The following TJP3 variants were observed in gnomAD, a reference collection of about 807,000 sequenced individuals.
TJP3 encodes tight junction protein ZO-3.
Under a neutral mutation model 104.2 loss-of-function variants are expected in TJP3, and 85 were observed. That is an observed-to-expected ratio of 0.82 (90% CI 0.68 to 0.98). The LOEUF (loss-of-function observed/expected upper bound fraction) is 0.98, where lower values mean the gene tolerates loss of function less well. Ranked by LOEUF, TJP3 falls within the 50% of genes least tolerant of loss-of-function variation. The probability of loss-of-function intolerance (pLI) is 0.00; values close to 1 mark genes in which losing one functional copy is unlikely to be tolerated. For synonymous variants in TJP3, 550 were observed against 550.6 expected (o/e 1.00, Z 0.02); for missense variants, 1,367 against 1,322.8 (o/e 1.03, Z -0.52).
chr19:3,712,863 C>T lies in TJP3; in HGVS notation c.-10+4302C>T, dbSNP rs116748837. Among the ~76,000 whole-genome samples, 986 of 151,596 alleles carry T rather than the reference C, an allele frequency of 6.5e-3. 10 individuals carry two copies. Among genetic ancestry groups the T allele is most frequent in the African/African-American group, 0.023 (952 of 41,284 alleles). On this transcript the variant is annotated intron_variant, in intron 1 of 20. Coordinates refer to ENST00000541714, the MANE Select transcript of TJP3 (RefSeq NM_001267560.2). ...ACACAGGAGGCTGGGGTGGGAGGAT[C>T]GCTTGAGCCCAGGAAAGTGGAGGCT...
chr19:3,738,644 G>A lies in TJP3; in HGVS notation c.1374G>A (p.Val458=), dbSNP rs1422018854. ...GLPPGEEMEL[V]TQRKQDIFWK... is the part of the protein sequence containing the mutation. ...CACCAGGCGAGGAGATGGAGCTGGTGACGCAGAGGAAGCAGGACAGTGAGT... is the reference window on the plus strand; with the variant it reads ...CACCAGGCGAGGAGATGGAGCTGGTAACGCAGAGGAAGCAGGACAGTGAGT... Residue 458 remains valine (V), a synonymous_variant, in exon 12 of 21, where the codon GTG becomes GTA. Transcript: ENST00000541714. 6.2e-7 allele frequency: 1 copy of A among 1,613,712 alleles called. No homozygotes were observed. Among genetic ancestry groups the A allele is most frequent in the Non-Finnish European group, 8.5e-7 (1 of 1,179,944 alleles).
chr19:3,730,276 C>A lies in TJP3; in HGVS notation c.262-79C>A. The A allele has an allele frequency of 6.7e-7, 1 of 1,483,024 alleles. No individual in the cohort carries two copies. The highest frequency in any genetic ancestry group is 1.3e-5 in the South Asian group (1 of 78,180). 91.9% of individuals were successfully genotyped at this position (1,483,024 alleles called of 1,614,324 possible). ...AGGCCCAGAGAGAGACTGGTGTCCC[C>A]CAGGGCCACCCGGGGGCTGAGCAGA... is the stretch of plus-strand genomic sequence containing the variant. On this transcript the variant is annotated intron_variant, in intron 4 of 20. Transcript: ENST00000541714. This position sits in a 1 kb window ranked among gnomAD's most constrained non-coding sequence, Gnocchi z 7.3.
chr19:3,743,884 C>A (rs2036852868), intron 14 of TJP3, 55 bp from the exon 15 acceptor site: 3 of 1,512,874 alleles, frequency 2.0e-6, no homozygotes, highest in African/African-American at 1.4e-5. Context: ...AACACACTAG[C>A]AGTCTTTGAT....
At chr19:3,732,228 C>T (rs2036681002) in intron 6 of TJP3, among the ~76,000 whole-genome samples, 190 bp downstream of exon 6, 2 of 152,104 alleles carry the variant, frequency 1.3e-5, no homozygotes, top group South Asian at 2.1e-4. Context: ...ACTACTAATC[C>T]ACAGCCAAAT....
rs1256888017 is a variant in TJP3, at chr19:3,750,610, A to T, written c.2686A>T (p.Lys896Ter). 1 of 1,608,772 alleles carries T rather than the reference A, an allele frequency of 6.2e-7. No homozygotes were observed. The highest frequency in any genetic ancestry group is 1.3e-5 in the African/African-American group (1 of 74,968). ...RTYEREALKK[K>*]FMRVHDAESS... ...CTATGAACGGGAAGCCCTGAAGAAA[A>T]AGTTTATGCGAGTACATGATGCGGA... The change falls in exon 21 of 21, where the codon AAG (lysine) becomes TAG (stop). Residue 896 changes from lysine to a stop codon, truncating the protein, a stop_gained. Coordinates refer to ENST00000541714, the MANE Select transcript of TJP3 (RefSeq NM_001267560.2). LOFTEE classifies it high-confidence loss of function.
chr19:3,711,410 G>GCTGGT (rs2145660271), intron 1 of TJP3, among the ~76,000 whole-genome samples: 1 of 148,192 alleles, frequency 6.7e-6, no homozygotes, highest in Non-Finnish European at 1.5e-5. Context: ...TATTGGTCAG[G>GCTGGT]CTGGTCTCGA....
rs1206720374 is a variant in TJP3, at chr19:3,730,276, C to T, written c.262-79C>T. 1.1e-5 allele frequency: 17 copies of T among 1,482,906 alleles called. No individual in the cohort carries two copies. In the Admixed American group the frequency reaches 3.5e-4, roughly 30 times the overall value. The allele number at this position is 1,482,906 out of a possible 1,614,324, so 91.9% of individuals were successfully genotyped here. ...AGGCCCAGAGAGAGACTGGTGTCCCCCAGGGCCACCCGGGGGCTGAGCAGA... is the reference window on the plus strand; with the variant it reads ...AGGCCCAGAGAGAGACTGGTGTCCCTCAGGGCCACCCGGGGGCTGAGCAGA... On this transcript the variant is annotated intron_variant, in intron 4 of 20. Transcript: ENST00000541714. This position sits in a 1 kb window ranked among gnomAD's most constrained non-coding sequence, Gnocchi z 7.3.
At chr19:3,745,896 C>T (rs2036880453) in intron 15 of TJP3, 115 bp from the exon 16 acceptor site, 2 of 838,880 alleles carry the variant, frequency 2.4e-6, no homozygotes, top group East Asian at 2.7e-5. Flanking sequence ...GGATTTCTCT[C>T]CAGGGCAATG....
chr19:3,709,769 G>C (rs1221880753), intron 1 of TJP3, among the ~76,000 whole-genome samples: 2 of 152,060 alleles, frequency 1.3e-5, no homozygotes, highest in Non-Finnish European at 2.9e-5. Context: ...ACCTTGCCTG[G>C]GTTTTGAGAG....
At chr19:3,736,086 G>A (rs2036735160) in intron 10 of TJP3, 79 bp from the exon 11 acceptor site, 2 of 1,570,324 alleles carry the variant, frequency 1.3e-6, no homozygotes, top group South Asian at 1.2e-5. Flanking sequence ...GAGGGGGTGG[G>A]GGCTTTCCCA....
intron 14 of TJP3, among the ~76,000 whole-genome samples, chr19:3,741,663 T>C (rs1172384043): frequency 6.7e-6 from 1 of 150,254 alleles, no homozygotes; most frequent in Admixed American, 6.7e-5. Flanking sequence ...CTAACCACTC[T>C]CCTTCTATCA....
At chr19:3,721,991 C>T (rs2145672124) in intron 1 of TJP3, 1 of 777,768 alleles carries the variant, frequency 1.3e-6, no homozygotes, top group South Asian at 6.5e-5. Flanking sequence ...GGGAGTCGGA[C>T]CCAGGACCCC....
chr19:3,732,493 T>C (rs563905458), intron 6 of TJP3, among the ~76,000 whole-genome samples: 1 of 151,754 alleles, frequency 6.6e-6, no homozygotes, highest in Admixed American at 6.6e-5. Flanking sequence ...ATTTCCAGTG[T>C]CTTCAAAAAG....
At chr19:3,717,389 T>C (rs965816902) in intron 1 of TJP3, among the ~76,000 whole-genome samples, 2 of 144,760 alleles carry the variant, frequency 1.4e-5, no homozygotes, top group Non-Finnish European at 3.1e-5. Context: ...CGTGAGCCAC[T>C]GTGCCCAGCC....
chr19:3,722,706 C>G (rs2145672915), intron 1 of TJP3, among the ~76,000 whole-genome samples: 1 of 152,138 alleles, frequency 6.6e-6, no homozygotes, highest in South Asian at 2.1e-4. Flanking sequence ...CAGACCCAGG[C>G]CACTCCGCCC....
At chr19:3,744,435 G>C (rs1304744353) in intron 15 of TJP3, among the ~76,000 whole-genome samples, 1 of 152,092 alleles carries the variant, frequency 6.6e-6, no homozygotes, top group Non-Finnish European at 1.5e-5. Context: ...GGAGTCCGAG[G>C]CGGGTGGATC....
In TJP3 at chr19:3,747,815, A is replaced by C; in HGVS notation, c.2344A>C (p.Asn782His). 1 of 1,600,942 alleles carries C rather than the reference A, an allele frequency of 6.2e-7. No homozygotes were observed. Residue 782 changes from asparagine (N) to histidine (H), a missense_variant, in exon 19 of 21, where the codon AAC becomes CAC. Coordinates refer to ENST00000541714, the MANE Select transcript of TJP3 (RefSeq NM_001267560.2). Reference protein sequence around the residue: ...EDQLDGSLEDNLDLPHHGLAD... With the variant: ...EDQLDGSLEDHLDLPHHGLAD... ...ACAGCTGGATGGCTCCTTGGAGGAC[A>C]ACCTAGACCTCCCTCACCACGGCCT...
rs149793684 is a variant in TJP3, at chr19:3,750,423, G to T, written c.2658-159G>T. On this transcript the variant is annotated intron_variant, in intron 20 of 20. Transcript: ENST00000541714. ...AGGATATTGCAGCTGGGGCTTTGAG[G>T]GATGCATAGGAGTTTGTTAACAAGG... is the stretch of plus-strand genomic sequence containing the variant. 3.8e-4 allele frequency among the ~76,000 whole-genome samples: 58 copies of T among 152,212 alleles called. No homozygotes were observed. The East Asian group carries it at 8.3e-3, about 22-fold the overall frequency.
rs147234866 is a variant in TJP3 at position 3,714,393 on chromosome 19, T to C, written c.-10+5832T>C. ...CAGGGTTTCACCATCTTGGCCAGGC[T>C]GGTCTCAAACTCCCGACCTCGTGAT... On this transcript the variant is annotated intron_variant, in intron 1 of 20. Transcript: ENST00000541714. Among the ~76,000 whole-genome samples the C allele has an allele frequency of 6.0e-3, 904 of 151,558 alleles. 11 individuals are homozygous for C. Among genetic ancestry groups the C allele is most frequent in the African/African-American group, 0.02 (845 of 41,356 alleles).
Sources: gnomAD v4.1 joint callset for allele counts (sites outside exome capture counted in the v4.1 genomes callset) on GRCh38, gnomAD v4.1.1 for gene constraint, Gnocchi (gnomAD v3.1) non-coding constraint, MANE v1.5 for transcripts, NCBI Gene and HGNC (gene_info 2026-07-23, HGNC 2026-07-21) for gene names.